The following VTI1A variants were observed in gnomAD, a reference collection of about 807,000 sequenced individuals.
The protein encoded by VTI1A is vesicle transport through interaction with t-SNAREs homolog 1A.
VTI1A carries 22 observed loss-of-function variants against 34.9 expected under a neutral mutation model. The observed-to-expected ratio is 0.63, with a 90% CI of 0.45 to 0.90. The LOEUF is 0.90. Among genes scored for constraint, VTI1A ranks in the 40% least tolerant of loss-of-function variants. VTI1A has a pLI of 0.00. For missense variants in VTI1A, 268 were observed against 275.6 expected, an observed-to-expected ratio of 0.97 and a Z score of 0.20; for synonymous variants, 87 against 97.3, an observed-to-expected ratio of 0.89 and a Z score of 0.62.
chr10:112,811,712 A>AAAAAAAAAAAAAAAAAAAAAAAAGAT lies in VTI1A; in HGVS notation c.561-3578_561-3577insAAAAAAAAAAAAAAAAAAAAAAAGAT, dbSNP rs67154330. ...AAAAAAAAAAAAAAAAAAAAAAAAA[A>AAAAAAAAAAAAAAAAAAAAAAAAGAT]GAGTGCAGTCCATGCCTGGAAGTAG... On this transcript the variant is annotated intron_variant, in intron 7 of 7. Coordinates refer to ENST00000393077, the MANE Select transcript of VTI1A (RefSeq NM_145206.4). 3.6e-5 allele frequency among the ~76,000 whole-genome samples: 3 copies of AAAAAAAAAAAAAAAAAAAAAAAAGAT among 84,066 alleles called. 1 individual carries two copies. Among genetic ancestry groups the AAAAAAAAAAAAAAAAAAAAAAAAGAT allele is most frequent in the African/African-American group, 1.4e-4 (3 of 21,062 alleles). The allele number at this position is 84,066 out of a possible 152,430, so 55.2% of individuals were successfully genotyped here.
chr10:112,483,987 C>T (rs542039923), intron 3 of VTI1A, among the ~76,000 whole-genome samples: 4 of 152,266 alleles, frequency 2.6e-5, no homozygotes, highest in South Asian at 4.1e-4. Context: ...AATCATGCTC[C>T]GTTATAGCAT....
chr10:112,447,489 A>G (rs1336354583), intron 1 of VTI1A, 22 bp downstream of exon 1: 7 of 1,611,148 alleles, frequency 4.3e-6, no homozygotes, highest in Non-Finnish European at 5.9e-6. Context: ...GCCCGGCTGG[A>G]CGAGGGTGCT....
chr10:112,795,511 T>G (rs1852644280), intron 7 of VTI1A, among the ~76,000 whole-genome samples: 1 of 148,448 alleles, frequency 6.7e-6, no homozygotes, highest in Non-Finnish European at 1.5e-5. Flanking sequence ...CTCAGCTCAC[T>G]GCAGCCTCTG....
At chr10:112,776,406 G>A (rs1317279741) in intron 7 of VTI1A, among the ~76,000 whole-genome samples, 1 of 152,126 alleles carries the variant, frequency 6.6e-6, no homozygotes, top group Non-Finnish European at 1.5e-5. Flanking sequence ...CTGGTGCAGG[G>A]GAGTGCAGAA....
intron 7 of VTI1A, among the ~76,000 whole-genome samples, chr10:112,673,802 C>G (rs1240329774): frequency 2.6e-5 from 4 of 152,176 alleles, no homozygotes; most frequent in Admixed American, 2.6e-4. Context: ...AATGCACTGT[C>G]AGAATGATTC....
downstream of VTI1A, among the ~76,000 whole-genome samples, chr10:112,822,288 T>A (rs1853668194): frequency 6.6e-6 from 1 of 152,162 alleles, no homozygotes; most frequent in South Asian, 2.1e-4. Flanking sequence ...GCGTTCTGGC[T>A]TAGGGCTGCA....
the VTI1A span, among the ~76,000 whole-genome samples, chr10:112,832,851 C>T: frequency 6.6e-6 from 1 of 152,072 alleles, no homozygotes; most frequent in Non-Finnish European, 1.5e-5. Context: ...CCAGCCCTGG[C>T]CCTGCAGTAA....
chr10:112,469,163 T>G (rs1847999011), intron 3 of VTI1A, among the ~76,000 whole-genome samples: 1 of 152,222 alleles, frequency 6.6e-6, no homozygotes, highest in Non-Finnish European at 1.5e-5. Context: ...TGTCTAATAA[T>G]TTTATTATAG....
At chr10:112,598,774 T>C (rs1844767262) in intron 5 of VTI1A, among the ~76,000 whole-genome samples, 1 of 152,204 alleles carries the variant, frequency 6.6e-6, no homozygotes, top group African/African-American at 2.4e-5. Flanking sequence ...TTAAATAAGC[T>C]GGACTCATGA....
chr10:112,578,932 ACTTG>A (rs1429288130), intron 5 of VTI1A, among the ~76,000 whole-genome samples: 1 of 152,252 alleles, frequency 6.6e-6, no homozygotes, highest in Admixed American at 6.5e-5. Context: ...ACATGAGCCA[ACTTG>A]CTTGCTATTC....
chr10:112,819,662 G>T (rs1853615677), downstream of VTI1A, among the ~76,000 whole-genome samples: 2 of 152,130 alleles, frequency 1.3e-5, no homozygotes, highest in African/African-American at 4.8e-5. Context: ...TCCTTTCTGT[G>T]ACTTGCTATT....
At chr10:112,538,644 C>A in intron 5 of VTI1A, 1 of 235,144 alleles carries the variant, frequency 4.3e-6, no homozygotes, top group African/African-American at 2.3e-5. Context: ...ATTGCTAGCA[C>A]ATGGCGCAAT....
chr10:112,697,396 TTTC>T (rs1459924392), intron 7 of VTI1A, among the ~76,000 whole-genome samples: 5 of 132,980 alleles, frequency 3.8e-5, no homozygotes, highest in African/African-American at 1.9e-4. Flanking sequence ...TTTCTTTTCT[TTTC>T]TTTTTTTTTT....
chr10:112,451,810 G>T (rs182704677), intron 1 of VTI1A, among the ~76,000 whole-genome samples: 123 of 152,298 alleles, frequency 8.1e-4, no homozygotes, highest in Non-Finnish European at 1.1e-3. Flanking sequence ...TTTTGTTCAT[G>T]AATATTGTGG....
rs773370942 is a variant in VTI1A, at chr10:112,676,835, AAC to A, written c.560+7841_560+7842del. 8.7e-4 allele frequency among the ~76,000 whole-genome samples: 132 copies of A among 152,182 alleles called. 1 individual carries two copies. Among genetic ancestry groups the A allele is most frequent in the Non-Finnish European group, 1.9e-4 (13 of 68,022 alleles). Reference sequence around the variant, plus strand: ...TAGTCCAAGGGTAGAAGCGACTTGAAACACAGTGTTGGAATCTAAAGGTTCCA... The same window carrying A: ...TAGTCCAAGGGTAGAAGCGACTTGAAACAGTGTTGGAATCTAAAGGTTCCA... On this transcript the variant is annotated intron_variant, in intron 7 of 7. Transcript: ENST00000393077.
chr10:112,570,613 T>C (rs1852083536), intron 5 of VTI1A, among the ~76,000 whole-genome samples: 1 of 152,218 alleles, frequency 6.6e-6, no homozygotes. Context: ...AAATAAAGTG[T>C]TTAGACTTCA....
At chr10:112,752,334 C>T in intron 7 of VTI1A, 1 of 981,602 alleles carries the variant, frequency 1.0e-6, no homozygotes, top group African/African-American at 1.7e-5. Flanking sequence ...GTCCTCTGAT[C>T]CCCCTCTGTC....
intron 3 of VTI1A, among the ~76,000 whole-genome samples, chr10:112,493,339 A>G (rs969003410): frequency 6.6e-6 from 1 of 152,084 alleles, no homozygotes; most frequent in Non-Finnish European, 1.5e-5. Context: ...AACCCTTTTA[A>G]TATTTCAAGT....
chr10:112,718,102 A>T (rs573944010), intron 7 of VTI1A, among the ~76,000 whole-genome samples: 48 of 152,250 alleles, frequency 3.2e-4, no homozygotes, highest in Non-Finnish European at 6.2e-4. Context: ...TTTTATAAGG[A>T]TGTATCCTGT....
Sources: allele counts gnomAD v4.1 joint callset (sites outside exome capture counted in the v4.1 genomes callset), GRCh38; gene constraint gnomAD v4.1.1; transcripts MANE v1.5; gene names NCBI Gene and HGNC (gene_info 2026-07-23, HGNC 2026-07-21).